Variants in ANO10 observed in about 807,000 individuals in gnomAD.
ANO10 encodes anoctamin 10.
A neutral mutation model predicts 74.7 loss-of-function variants in ANO10; 77 were observed. The ratio of observed to expected loss-of-function variants is 1.03; its 90% CI spans 0.86 to 1.25. The LOEUF (loss-of-function observed/expected upper bound fraction) is 1.25, where lower values mean the gene tolerates loss of function less well. ANO10 is among the 50% of genes most tolerant of loss of function. The pLI, the probability that ANO10 is intolerant of heterozygous loss-of-function variation, is 0.00. For synonymous variants in ANO10, 279 were observed against 284.9 expected, an observed-to-expected ratio of 0.98 and a Z score of 0.21; for missense variants, 721 against 778.1, an observed-to-expected ratio of 0.93 and a Z score of 0.87.
chr3:43,578,873 G>A (rs1243847911), intron 5 of ANO10, among the ~76,000 whole-genome samples: 1 of 149,602 alleles, frequency 6.7e-6, no homozygotes, highest in African/African-American at 2.4e-5. Flanking sequence ...CAGTTGTTAA[G>A]TGTAATATAA....
intron 1 of ANO10, among the ~76,000 whole-genome samples, 186 bp from the exon 2 acceptor site, chr3:43,606,049 C>T (rs969090218): frequency 6.6e-6 from 1 of 152,154 alleles, no homozygotes; most frequent in African/African-American, 2.4e-5. Flanking sequence ...GTGAGCCAAG[C>T]TTTGGAAAGA....
intron 1 of ANO10, among the ~76,000 whole-genome samples, chr3:43,635,674 C>T (rs1188600986): frequency 6.7e-6 from 1 of 148,330 alleles, no homozygotes; most frequent in African/African-American, 2.5e-5. Flanking sequence ...GACTGGAGTG[C>T]AGTGGTGAGA....
intron 11 of ANO10, among the ~76,000 whole-genome samples, chr3:43,542,925 C>G (rs1266184832): frequency 2.6e-5 from 4 of 152,164 alleles, no homozygotes; most frequent in African/African-American, 9.7e-5. Context: ...AATTAGTAAG[C>G]ACCTGCTCAA....
chr3:43,375,120 C>CA lies in ANO10; in HGVS notation c.1915-8147dup, dbSNP rs1255058682. On this transcript the variant is annotated intron_variant, in intron 12 of 12. Coordinates refer to ENST00000292246, the MANE Select transcript of ANO10 (RefSeq NM_018075.5). ...TGGGTGACAGAGTGAAACTCTGTCT[C>CA]AAAAAAAAAACAAACAACAAAAAAC... Among the ~76,000 whole-genome samples the CA allele has an allele frequency of 1.8e-3, 241 of 134,170 alleles. 1 individual carries two copies. The highest frequency in any genetic ancestry group is 2.8e-3 in the East Asian group (13 of 4,570). 88.0% of individuals were successfully genotyped at this position (134,170 alleles called of 152,430 possible).
At chr3:43,420,573 C>T (rs1343021491) in intron 12 of ANO10, among the ~76,000 whole-genome samples, 1 of 151,994 alleles carries the variant, frequency 6.6e-6, no homozygotes, top group East Asian at 1.9e-4. Context: ...AAAAAATTTC[C>T]TATTTTAGCA....
intron 12 of ANO10, among the ~76,000 whole-genome samples, chr3:43,386,731 C>T (rs1018402607): frequency 2.0e-5 from 3 of 150,076 alleles, no homozygotes; most frequent in African/African-American, 7.4e-5. Flanking sequence ...GGAGAATGAG[C>T]AGGGGTCATG....
intron 1 of ANO10, chr3:43,690,865 G>C (rs1436885155): frequency 8.5e-6 from 9 of 1,053,078 alleles, no homozygotes; most frequent in East Asian, 6.6e-5. Context: ...CCGCCGGGCC[G>C]TGCTAGTGCG....
intron 1 of ANO10, among the ~76,000 whole-genome samples, chr3:43,674,825 C>T (rs2084101893): frequency 6.6e-6 from 1 of 152,172 alleles, no homozygotes; most frequent in African/African-American, 2.4e-5. Flanking sequence ...TATGTCCCTG[C>T]CTCTATCCAT....
Position 43,598,554 on chromosome 3 carries a change from C to T in ANO10, c.450G>A (p.Lys150=), listed in dbSNP as rs745565770. The T allele has an allele frequency of 1.1e-5, 17 of 1,613,040 alleles. No homozygotes were observed. The African/African-American group carries it at 1.6e-4, about 15-fold the overall frequency. Residue 150 remains lysine, a synonymous_variant, in exon 4 of 13, where the codon AAG becomes AAA. Transcript: ENST00000292246. ...EKMIPGYPQA[K]LYPGKSLLRR... ...TACACAATGATTTTCCTGGATACAA[C>T]TTTGCCTGAGGGTAACCAGGGATCA... is the stretch of plus-strand genomic sequence containing the variant.
At chr3:43,580,522 CATGAT>C in intron 4 of ANO10, 50 bp from the exon 5 acceptor site, 1 of 1,606,498 alleles carries the variant, frequency 6.2e-7, no homozygotes, top group Non-Finnish European at 8.5e-7. Context: ...GGAGATTGTG[CATGAT>C]ACGCTTCAGC....
chr3:43,646,453 AAG>A (rs2083727231), intron 1 of ANO10, among the ~76,000 whole-genome samples: 1 of 152,224 alleles, frequency 6.6e-6, no homozygotes, highest in African/African-American at 2.4e-5. Context: ...TTAGAGAACT[AAG>A]ATAACAAATT....
At chr3:43,691,192 G>A in intron 1 of ANO10, 3 of 670,838 alleles carry the variant, frequency 4.5e-6, no homozygotes, top group Non-Finnish European at 6.5e-6. Flanking sequence ...TCCGCGCGGC[G>A]CCCAGAGGCG....
intron 1 of ANO10, among the ~76,000 whole-genome samples, chr3:43,619,705 G>GA (rs376752785): frequency 2.3e-3 from 338 of 147,242 alleles, no homozygotes; most frequent in African/African-American, 6.4e-3. Flanking sequence ...CAAAAAAAAA[G>GA]AAAAAAAAAA....
intron 12 of ANO10, among the ~76,000 whole-genome samples, chr3:43,418,177 TGAGGCAGGGGAATCGTCTGAAACTGG>T (rs1490858069): frequency 3.3e-5 from 5 of 152,212 alleles, no homozygotes; most frequent in Admixed American, 6.5e-5. Context: ...CTCAGGAGGC[TGAGGCAGGGGAATCGTCTGAAACTGG>T]GAGGCAGAAG....
intron 1 of ANO10, chr3:43,691,201 C>A: frequency 1.7e-6 from 1 of 595,398 alleles, no homozygotes; most frequent in Non-Finnish European, 2.5e-6. Flanking sequence ...CGCCCAGAGG[C>A]GTCCCGGCGC....
intron 2 of ANO10, among the ~76,000 whole-genome samples, chr3:43,601,792 C>G (rs965928): frequency 6.6e-6 from 1 of 152,112 alleles, no homozygotes; most frequent in Non-Finnish European, 1.5e-5. Flanking sequence ...TGCTGTTTCT[C>G]ACTTCTCACA....
chr3:43,627,989 C>T (rs551917936), intron 1 of ANO10, among the ~76,000 whole-genome samples: 67 of 152,144 alleles, frequency 4.4e-4, no homozygotes, highest in Non-Finnish European at 5.6e-4. Flanking sequence ...CAGATACAGG[C>T]GATTCTCCTG....
intron 1 of ANO10, chr3:43,690,836 A>G (rs1575595570): frequency 1.5e-6 from 1 of 649,044 alleles, no homozygotes; most frequent in African/African-American, 1.9e-5. Flanking sequence ...AAGGCCGCGC[A>G]CGCGCAAACG....
chr3:43,626,444 A>G (rs2083492819), upstream of ANO10, among the ~76,000 whole-genome samples: 1 of 151,902 alleles, frequency 6.6e-6, no homozygotes, highest in South Asian at 2.1e-4. Context: ...GATTACAGGC[A>G]TGTGCCACCA....
Sources: allele counts gnomAD v4.1 joint callset (sites outside exome capture counted in the v4.1 genomes callset), GRCh38; gene constraint gnomAD v4.1.1; transcripts MANE v1.5; gene names NCBI Gene and HGNC (gene_info 2026-07-23, HGNC 2026-07-21).